Variants in PAWR observed in about 807,000 individuals in gnomAD.
The protein encoded by PAWR is pro-apoptotic WT1 regulator.
Under a neutral mutation model 32.0 loss-of-function variants are expected in PAWR, and 23 were observed. That is an observed-to-expected ratio of 0.72 (90% confidence interval 0.52 to 1.02). The LOEUF is 1.02. Among genes scored for constraint, PAWR ranks in the 50% least tolerant of loss-of-function variants. The pLI is 0.00. For synonymous variants in PAWR, 226 were observed against 187.1 expected (o/e 1.21, Z -1.70); for missense variants, 457 against 437.7 (o/e 1.04, Z -0.39).
chr12:79,665,848 T>C (rs117270283), intron 2 of PAWR, among the ~76,000 whole-genome samples: 3,113 of 152,294 alleles, frequency 0.02, 39 homozygotes, highest in Admixed American at 0.039. Flanking sequence ...CAAAACTCAA[T>C]ATCCCGTAAC....
intron 2 of PAWR, among the ~76,000 whole-genome samples, chr12:79,628,330 T>C (rs1002178452): frequency 3.3e-5 from 5 of 152,118 alleles, no homozygotes; most frequent in African/African-American, 1.2e-4. Context: ...GGTAAATTTA[T>C]AGCACTAAAT....
At position 79,586,003 on chromosome 12, in the gene PAWR, C is replaced by T. The variant is rs185815194; in HGVS notation, c.*6604G>A. Reference sequence around the variant, plus strand: ...CAAGAAACAAGATGCACTTTTAGGCCTCCTATAATCCTGCATTTCCAAAGC... The same window carrying T: ...CAAGAAACAAGATGCACTTTTAGGCTTCCTATAATCCTGCATTTCCAAAGC... On this transcript the variant is annotated 3_prime_UTR_variant, in exon 7 of 7. Transcript: ENST00000328827. 6 of 152,296 alleles carry T rather than the reference C, an allele frequency of 3.9e-5. No individual in the cohort carries two copies. The East Asian group carries it at 1.2e-3, about 29-fold the overall frequency. The allele number at this position is 152,296 out of a possible 1,614,324, so 9.4% of individuals were successfully genotyped here. A position where few individuals can be genotyped will look rare whatever the true frequency, so the allele number is the denominator to read the frequency against.
chr12:79,629,281 T>C (rs971126087), intron 2 of PAWR, among the ~76,000 whole-genome samples: 1 of 151,916 alleles, frequency 6.6e-6, no homozygotes, highest in Non-Finnish European at 1.5e-5. Context: ...CACAAATAGG[T>C]TCCAAGTGAA....
At chr12:79,636,574 T>A (rs1875970891) in intron 2 of PAWR, among the ~76,000 whole-genome samples, 1 of 152,146 alleles carries the variant, frequency 6.6e-6, no homozygotes, top group Non-Finnish European at 1.5e-5. Context: ...TTTTGATACT[T>A]TGATAGCTTA....
chr12:79,612,203 T>C (rs942398397), intron 4 of PAWR, among the ~76,000 whole-genome samples: 1 of 152,098 alleles, frequency 6.6e-6, no homozygotes, highest in Admixed American at 6.5e-5. Flanking sequence ...TATACCTACA[T>C]CAAAATTACC....
In PAWR at chr12:79,682,168, C is replaced by G. The variant is rs371524785; in HGVS notation, c.516+7561G>C. 7.2e-5 allele frequency among the ~76,000 whole-genome samples: 11 copies of G among 152,140 alleles called. 1 individual carries two copies. The highest frequency in any genetic ancestry group is 3.9e-4 in the Admixed American group (6 of 15,284). ...AGAGTTTTGTTTTGTTTGAGTTTTT[C>G]TGAGCCAGGGTCTCACTTTGTCACC... On this transcript the variant is annotated intron_variant, in intron 2 of 6. Coordinates refer to ENST00000328827, the MANE Select transcript of PAWR (RefSeq NM_002583.4).
chr12:79,603,060 A>G (rs967762712), intron 4 of PAWR, among the ~76,000 whole-genome samples: 1 of 152,016 alleles, frequency 6.6e-6, no homozygotes, highest in Non-Finnish European at 1.5e-5. Context: ...TGGACAACAT[A>G]ATGAGACTCT....
At chr12:79,643,712 T>C (rs1346611254) in intron 2 of PAWR, among the ~76,000 whole-genome samples, 3 of 152,296 alleles carry the variant, frequency 2.0e-5, no homozygotes, top group Admixed American at 6.5e-5. Context: ...TTTATTTATA[T>C]TCGTGGCTCT....
chr12:79,690,103 C>A lies in PAWR; in HGVS notation c.142G>T (p.Asp48Tyr). 6.8e-7 allele frequency: 1 copy of A among 1,469,882 alleles called. No homozygotes were observed. The highest frequency in any genetic ancestry group is 8.9e-7 in the Non-Finnish European group (1 of 1,117,816). The allele number at this position is 1,469,882 out of a possible 1,614,324, so 91.1% of individuals were successfully genotyped here. A position where few individuals can be genotyped will look rare whatever the true frequency, so the allele number is the denominator to read the frequency against. ...GPAPPGGGSS[D>Y]AAGKPPAGAL... ...CCCGCGGGGGGCTTCCCAGCGGCGT[C>A]GCTGCTGCCCCCTCCCGGGGGGGCC... is the stretch of plus-strand genomic sequence containing the variant. Residue 48 changes from aspartate to tyrosine, a missense_variant, in exon 2 of 7, where the codon GAC becomes TAC. Coordinates refer to ENST00000328827, the MANE Select transcript of PAWR (RefSeq NM_002583.4).
At chr12:79,619,539 A>G (rs1418238553) in intron 3 of PAWR, among the ~76,000 whole-genome samples, 2 of 152,212 alleles carry the variant, frequency 1.3e-5, no homozygotes, top group East Asian at 1.9e-4. Context: ...CATAGTATAT[A>G]TAGCGTTCAG....
chr12:79,639,602 AC>A (rs1477172581), intron 2 of PAWR, among the ~76,000 whole-genome samples: 2 of 152,114 alleles, frequency 1.3e-5, no homozygotes, highest in Non-Finnish European at 2.9e-5. Context: ...CTCTCCCTTT[AC>A]CCATATATTC....
At chr12:79,637,953 T>C (rs1592520891) in intron 2 of PAWR, among the ~76,000 whole-genome samples, 1 of 152,298 alleles carries the variant, frequency 6.6e-6, no homozygotes, top group Non-Finnish European at 1.5e-5. Context: ...TCATCTCTTG[T>C]AACAAAAATT....
chr12:79,625,644 C>G (rs948209380), intron 2 of PAWR, among the ~76,000 whole-genome samples: 1 of 151,972 alleles, frequency 6.6e-6, no homozygotes, highest in Non-Finnish European at 1.5e-5. Flanking sequence ...CACGGTGAAA[C>G]CCTGCCTCTA....
intron 2 of PAWR, among the ~76,000 whole-genome samples, chr12:79,624,700 G>A (rs8176851): frequency 0.014 from 2,109 of 152,250 alleles, 60 homozygotes; most frequent in African/African-American, 0.048. Flanking sequence ...GAAGAAGTTG[G>A]CGGAAATCAT....
chr12:79,632,314 T>TATATATAC (rs1875691976), intron 2 of PAWR, among the ~76,000 whole-genome samples: 1 of 18,114 alleles, frequency 5.5e-5, no homozygotes, highest in Non-Finnish European at 8.2e-5. Context: ...TATACATACA[T>TATATATAC]ATATATATAT....
At chr12:79,648,751 T>G (rs191856947) in intron 2 of PAWR, among the ~76,000 whole-genome samples, 1 of 150,826 alleles carries the variant, frequency 6.6e-6, no homozygotes, top group Non-Finnish European at 1.5e-5. Flanking sequence ...ACTATGCCTT[T>G]GCACTCCATC....
At chr12:79,593,940 G>A (rs1039131626) in intron 6 of PAWR, among the ~76,000 whole-genome samples, 1 of 151,792 alleles carries the variant, frequency 6.6e-6, no homozygotes, top group Non-Finnish European at 1.5e-5. Context: ...CTGACTTCAC[G>A]TGATCCGCCC....
intron 2 of PAWR, among the ~76,000 whole-genome samples, chr12:79,681,069 C>G (rs981680664): frequency 7.2e-6 from 1 of 139,340 alleles, no homozygotes; most frequent in Non-Finnish European, 1.5e-5. Context: ...GAGCCATGAT[C>G]GTGCCACTGC....
chr12:79,646,232 C>A (rs1477572042), intron 2 of PAWR, among the ~76,000 whole-genome samples: 2 of 152,140 alleles, frequency 1.3e-5, no homozygotes, highest in Non-Finnish European at 2.9e-5. Context: ...GTTAGTGAAT[C>A]TTAAATTCAG....
Sources: allele counts gnomAD v4.1 joint callset (sites outside exome capture counted in the v4.1 genomes callset), GRCh38; gene constraint gnomAD v4.1.1; transcripts MANE v1.5; gene names NCBI Gene and HGNC (gene_info 2026-07-23, HGNC 2026-07-21).